The following TRMT9B variants were observed in gnomAD, a reference collection of about 807,000 sequenced individuals.
The protein encoded by TRMT9B is tRNA methyltransferase 9B (putative).
In TRMT9B, 16 loss-of-function variants were observed where a neutral mutation model predicts 11.5. The observed-to-expected ratio is 1.39, with a 90% confidence interval of 0.94 to 2.11. The LOEUF (loss-of-function observed/expected upper bound fraction) is 2.11, where lower values mean the gene tolerates loss of function less well. Ranked by LOEUF, TRMT9B falls within the 30% of genes most tolerant of loss-of-function variation. TRMT9B has a pLI of 0.00. For missense variants in TRMT9B, 941 were observed against 553.8 expected (o/e 1.70, Z -7.02); for synonymous variants, 274 against 192.4 (o/e 1.42, Z -3.51).
At chr8:12,951,930 T>C (rs1800674499) in intron 1 of TRMT9B, 1 of 152,288 alleles carries the variant, frequency 6.6e-6, no homozygotes, top group African/African-American at 2.4e-5. Context: ...GCAACTTCTC[T>C]TTGGAAGCCC....
intron 2 of TRMT9B, among the ~76,000 whole-genome samples, chr8:12,996,919 A>G (rs1390951457): frequency 2.7e-5 from 4 of 150,104 alleles, no homozygotes; most frequent in Admixed American, 1.3e-4. Flanking sequence ...CATTTGTTTT[A>G]TCTGTTTTTG....
intron 1 of TRMT9B, among the ~76,000 whole-genome samples, chr8:12,989,950 A>C (rs559444242): frequency 6.6e-6 from 1 of 152,208 alleles, no homozygotes; most frequent in East Asian, 1.9e-4. Context: ...ACTAGAGAGA[A>C]GTTTTCCAAA....
rs77820964 is a variant in TRMT9B, at chr8:13,014,317, A to C, written c.328+1460A>C. On this transcript the variant is annotated intron_variant, in intron 4 of 4. Coordinates refer to ENST00000524591, the MANE Select transcript of TRMT9B (RefSeq NM_020844.3). ...AGCAAAATACCATAGACTTCGCTTA[A>C]ACAACAGACATTTATTTCTCACCGT... Among the ~76,000 whole-genome samples the C allele has an allele frequency of 3.3e-3, 497 of 152,314 alleles. 4 individuals are homozygous for C. Among genetic ancestry groups the C allele is most frequent in the African/African-American group, 0.01 (433 of 41,572 alleles).
chr8:12,970,934 A>C (rs1803523913), intron 1 of TRMT9B, among the ~76,000 whole-genome samples: 1 of 152,246 alleles, frequency 6.6e-6, no homozygotes, highest in Admixed American at 6.5e-5. Context: ...ATGAAGGCTC[A>C]GTCTTAAAAG....
intron 4 of TRMT9B, among the ~76,000 whole-genome samples, chr8:13,013,881 G>A (rs1264615432): frequency 6.6e-6 from 1 of 152,094 alleles, no homozygotes; most frequent in Non-Finnish European, 1.5e-5. Flanking sequence ...CCTGGAAGGC[G>A]GAGGGTGCAG....
intron 1 of TRMT9B, among the ~76,000 whole-genome samples, chr8:12,947,887 T>C (rs956392534): frequency 3.3e-5 from 5 of 152,150 alleles, no homozygotes; most frequent in Admixed American, 2.0e-4. Context: ...TAAGGAAGCA[T>C]TGGGGCTGCC....
At chr8:13,002,572 G>T (rs534530310) in intron 2 of TRMT9B, among the ~76,000 whole-genome samples, 1 of 152,284 alleles carries the variant, frequency 6.6e-6, no homozygotes, top group South Asian at 2.1e-4. Context: ...ATTTTTTGCA[G>T]GGGCTGTGGG....
chr8:13,012,263 T>A (rs1048239500), intron 3 of TRMT9B: 104 of 986,680 alleles, frequency 1.1e-4, no homozygotes, highest in Non-Finnish European at 1.2e-4. Context: ...TGTTGTATTC[T>A]GTCTTGGTTA....
At chr8:12,983,481 C>A (rs1203810404) in intron 1 of TRMT9B, among the ~76,000 whole-genome samples, 1 of 152,094 alleles carries the variant, frequency 6.6e-6, no homozygotes, top group Non-Finnish European at 1.5e-5. Flanking sequence ...ACCAGCCTGA[C>A]CAACACGGTG....
At chr8:12,960,948 C>T (rs1357018358) in intron 1 of TRMT9B, among the ~76,000 whole-genome samples, 1 of 152,096 alleles carries the variant, frequency 6.6e-6, no homozygotes, top group Non-Finnish European at 1.5e-5. Context: ...CTAGACCATC[C>T]TGGCCAAAGT....
intron 1 of TRMT9B, among the ~76,000 whole-genome samples, chr8:12,968,784 G>A (rs923179988): frequency 1.3e-5 from 2 of 152,216 alleles, no homozygotes; most frequent in Non-Finnish European, 1.5e-5. Context: ...TAGAAGAGGT[G>A]CAGTATGGTG....
intron 4 of TRMT9B, among the ~76,000 whole-genome samples, chr8:13,016,123 A>C (rs1188224738): frequency 6.9e-6 from 1 of 145,294 alleles, no homozygotes; most frequent in Admixed American, 7.0e-5. Context: ...ATATATATAC[A>C]TATAACATAA....
At chr8:12,975,760 A>G (rs575131908) in intron 1 of TRMT9B, among the ~76,000 whole-genome samples, 201 of 149,450 alleles carry the variant, frequency 1.3e-3, no homozygotes, top group African/African-American at 4.8e-3. Flanking sequence ...AAATAAAAAT[A>G]AAAATAAATA....
chr8:12,958,025 G>A (rs1252676390), intron 1 of TRMT9B, among the ~76,000 whole-genome samples: 2 of 151,946 alleles, frequency 1.3e-5, no homozygotes, highest in African/African-American at 4.8e-5. Flanking sequence ...ATATTAGTCC[G>A]TTTTCACCCG....
At chr8:12,998,642 C>G (rs899091056) in intron 2 of TRMT9B, among the ~76,000 whole-genome samples, 4 of 152,214 alleles carry the variant, frequency 2.6e-5, no homozygotes, top group African/African-American at 9.6e-5. Flanking sequence ...GTTATAGCAC[C>G]TCCTCCCTGG....
At chr8:12,977,395 T>A (rs1804622993) in intron 1 of TRMT9B, among the ~76,000 whole-genome samples, 1 of 152,164 alleles carries the variant, frequency 6.6e-6, no homozygotes, top group African/African-American at 2.4e-5. Flanking sequence ...ATGACCATCT[T>A]ATTTTCTTGA....
At chr8:12,956,653 C>T (rs1801354899) in intron 1 of TRMT9B, among the ~76,000 whole-genome samples, 1 of 152,164 alleles carries the variant, frequency 6.6e-6, no homozygotes, top group Non-Finnish European at 1.5e-5. Flanking sequence ...ATAATAGCAC[C>T]TGGCTTGTTA....
chr8:12,978,797 C>G (rs952942939), intron 1 of TRMT9B, among the ~76,000 whole-genome samples: 1 of 152,212 alleles, frequency 6.6e-6, no homozygotes, highest in Non-Finnish European at 1.5e-5. Flanking sequence ...GAACTGCATT[C>G]AGTCGCCCAG....
At chr8:12,998,719 G>T (rs1349888605) in intron 2 of TRMT9B, among the ~76,000 whole-genome samples, 1 of 152,182 alleles carries the variant, frequency 6.6e-6, no homozygotes, top group Non-Finnish European at 1.5e-5. Context: ...ATTTCTGTGG[G>T]TCAAGTACAG....
Sources: allele counts gnomAD v4.1 joint callset (sites outside exome capture counted in the v4.1 genomes callset), GRCh38; gene constraint gnomAD v4.1.1; transcripts MANE v1.5; gene names NCBI Gene and HGNC (gene_info 2026-07-23, HGNC 2026-07-21).